The following ARAF variants were observed in gnomAD, a reference collection of about 807,000 sequenced individuals.
The protein encoded by ARAF is A-Raf proto-oncogene, serine/threonine kinase, also known as serine/threonine-protein kinase A-Raf.
In ARAF, 18 loss-of-function variants were observed where a neutral mutation model predicts 48.0. That is an observed-to-expected ratio of 0.37 (90% CI 0.26 to 0.56). The LOEUF is 0.56. ARAF is among the 20% of genes least tolerant of loss of function. The pLI, the probability that ARAF is intolerant of heterozygous loss-of-function variation, is 0.77. For synonymous variants in ARAF, 207 were observed against 220.1 expected, an observed-to-expected ratio of 0.94 and a Z score of 0.53; for missense variants, 389 against 543.1, an observed-to-expected ratio of 0.72 and a Z score of 2.82.
chrX:47,570,797 C>A, intron 14 of ARAF, 81 bp from the exon 15 acceptor site: 1 of 1,031,400 alleles, frequency 9.7e-7, no homozygotes, highest in Non-Finnish European at 1.3e-6. Context: ...ATGAACCTTC[C>A]AAGTCCCTCA....
At chrX:47,569,116 C>A in intron 12 of ARAF, 83 bp downstream of exon 12, 1 of 1,089,258 alleles carries the variant, frequency 9.2e-7, no homozygotes, top group Non-Finnish European at 1.2e-6. Flanking sequence ...CTGGGAATTA[C>A]AAGGGAGGGG....
At chrX:47,568,046 A>G (rs937786131) in intron 10 of ARAF, among the ~76,000 whole-genome samples, 5 of 111,053 alleles carry the variant, frequency 4.5e-5, no homozygotes, top group African/African-American at 1.6e-4. Flanking sequence ...AACCCTGGGG[A>G]TGTTGGCATT....
intron 14 of ARAF, 140 bp from the exon 15 acceptor site, chrX:47,570,738 C>T (rs2057752157): frequency 3.5e-6 from 2 of 575,813 alleles, no homozygotes; most frequent in African/African-American, 2.3e-5. Flanking sequence ...TCCTCAAGGA[C>T]AGAGAATCCT....
At chrX:47,571,295 A>T (rs2855133) in intron 15 of ARAF, 28 bp from the exon 16 acceptor site, 1 of 1,192,723 alleles carries the variant, frequency 8.4e-7, no homozygotes, top group Non-Finnish European at 1.1e-6. Context: ...GGCTCTGGAC[A>T]CCCCTCCTCA....
At chrX:47,564,090 G>A (rs1343617648) in intron 3 of ARAF, among the ~76,000 whole-genome samples, 1 of 112,257 alleles carries the variant, frequency 8.9e-6, no homozygotes, top group Non-Finnish European at 1.9e-5. Flanking sequence ...TTTCCCACCC[G>A]GTTGACCACA....
At position 47,565,006 on chromosome X, in the gene ARAF, C is replaced by T; in HGVS notation, c.325C>T (p.Leu109=). 8.3e-7 allele frequency: 1 copy of T among 1,211,964 alleles called. No homozygotes were observed. Among genetic ancestry groups the T allele is most frequent in the Non-Finnish European group, 1.1e-6 (1 of 895,565 alleles). ...TCAGGTACGGAAGACCTTCTTCAGC[C>T]TGGCGTTCTGTGACTTCTGCCTTAA... ...HNFVRKTFFS[L]AFCDFCLKFL... The change falls in exon 5 of 16, where the codon CTG becomes TTG. Residue 109 remains leucine (L), a synonymous_variant. Coordinates refer to ENST00000377045, the MANE Select transcript of ARAF (RefSeq NM_001654.5).
At chrX:47,562,099 A>T (rs1209066075) in intron 1 of ARAF, among the ~76,000 whole-genome samples, 1 of 108,374 alleles carries the variant, frequency 9.2e-6, no homozygotes, top group Non-Finnish European at 1.9e-5. Context: ...CCCTTTAAGG[A>T]CATGTTTGGT....
Position 47,564,968 on chromosome X carries a change from C to T in ARAF, c.304-17C>T, listed in dbSNP as rs774684341. The T allele has an allele frequency of 1.7e-6, 2 of 1,212,048 alleles. No homozygotes were observed. Among genetic ancestry groups the T allele is most frequent in the Non-Finnish European group, 2.2e-6 (2 of 895,511 alleles). The stretch of plus-strand genomic sequence containing the variant: ...GTCCTTGACCAGGTCTCAAACTTCC[C>T]TGCTCTGTGGCATCAGGTACGGAAG... On this transcript the variant is annotated splice_polypyrimidine_tract_variant and intron_variant, in intron 4 of 15. Coordinates refer to ENST00000377045, the MANE Select transcript of ARAF (RefSeq NM_001654.5).
In ARAF at chrX:47,571,289, C is replaced by T. The variant is rs191688019; in HGVS notation, c.1687-34C>T. On this transcript the variant is annotated intron_variant, in intron 15 of 15. Transcript: ENST00000377045. ...GGGCTGTTGGGATGCCCACAGGGCT[C>T]TGGACACCCCTCCTCACCCCCACCT... 8.6e-4 allele frequency: 1,028 copies of T among 1,190,340 alleles called. 3 individuals are homozygous for T. The highest frequency in any genetic ancestry group is 8.3e-4 in the Non-Finnish European group (738 of 884,938).
At chrX:47,563,462 T>C in intron 3 of ARAF, 133 bp downstream of exon 3, 2 of 525,475 alleles carry the variant, frequency 3.8e-6, no homozygotes, top group South Asian at 6.0e-5. Flanking sequence ...CCCCCTTATC[T>C]GCAGGGTACA....
At position 47,570,870 on chromosome X, in the gene ARAF, GC is replaced by G; in HGVS notation, c.1552-3del. On this transcript the variant is annotated splice_polypyrimidine_tract_variant and splice_region_variant and intron_variant, in intron 14 of 15. Coordinates refer to ENST00000377045, the MANE Select transcript of ARAF (RefSeq NM_001654.5). ...GATCACCCCTTTCCTGCCCCCGTCT[GC>G]CCCCAGATTATCTTTATGGTGGGCC... The G allele has an allele frequency of 8.3e-7, 1 of 1,204,102 alleles. No homozygotes were observed. Among genetic ancestry groups the G allele is most frequent in the Non-Finnish European group, 1.1e-6 (1 of 890,919 alleles).
At position 47,567,025 on chromosome X, in the gene ARAF, G is replaced by A. The variant is rs919593802; in HGVS notation, c.767G>A (p.Gly256Glu). 6 of 1,210,107 alleles carry A rather than the reference G, an allele frequency of 5.0e-6. No homozygotes were observed. The highest frequency in any genetic ancestry group is 6.7e-6 in the Non-Finnish European group (6 of 895,229). ...GGAGGTAGTGATGGAACCCCCCGGG[G>A]GAGCCCCAGCCCAGCCAGCGTGTCC... ...SRGGSDGTPRGSPSPASVSSG... is the reference protein window; with the variant it reads ...SRGGSDGTPRESPSPASVSSG... Residue 256 changes from glycine to glutamate, a missense_variant, in exon 9 of 16, where the codon GGG (glycine) becomes GAG (glutamate). Gly to Glu is a moderately conservative substitution (Grantham distance 98). Coordinates refer to ENST00000377045, the MANE Select transcript of ARAF (RefSeq NM_001654.5).
rs2147905600 is a variant in ARAF at position 47,566,718 on chromosome X, A to C, written c.637A>C (p.Thr213Pro). The C allele has an allele frequency of 8.3e-7, 1 of 1,207,413 alleles. No individual in the cohort carries two copies. Among genetic ancestry groups the C allele is most frequent in the Non-Finnish European group, 1.1e-6 (1 of 893,507 alleles). ...TGCCCCCCTACAGCGCATCCGCTCCACGTCCACTCCCAACGTCCATATGGT... is the reference window on the plus strand; with the variant it reads ...TGCCCCCCTACAGCGCATCCGCTCCCCGTCCACTCCCAACGTCCATATGGT... ...ANAPLQRIRS[T>P]STPNVHMVST... The change falls in exon 7 of 16, where the codon ACG (threonine) becomes CCG (proline). Residue 213 changes from threonine to proline, a missense_variant. Around this residue, in one of 4 missense-constraint regions of ARAF, gnomAD observed 154 missense variants for 133.6 expected, o/e 1.15. Transcript: ENST00000377045.
At chrX:47,564,089 C>T (rs992759926) in intron 3 of ARAF, among the ~76,000 whole-genome samples, 3 of 112,329 alleles carry the variant, frequency 2.7e-5, no homozygotes, top group Non-Finnish European at 3.8e-5. Context: ...CTTTCCCACC[C>T]GGTTGACCAC....
intron 1 of ARAF, among the ~76,000 whole-genome samples, chrX:47,561,981 C>T (rs982947757): frequency 9.4e-5 from 8 of 84,691 alleles, no homozygotes; most frequent in Admixed American, 2.6e-4. Flanking sequence ...CCCCCCCCCC[C>T]ATGAATTCCT....
chrX:47,569,996 CT>C lies in ARAF; in HGVS notation c.1525del (p.Tyr509ThrfsTer?). ...TACGAGCTTATGACTGGCTCACTGC[CT>C]TACAGCCACATTGGCTGCCGTGACC... ...VLYELMTGSLPYSHIGCRDQI... is the reference protein window; with the variant it reads ...VLYELMTGSLXYSHIGCRDQI... On this transcript the variant is annotated frameshift_variant, in exon 14 of 16. Transcript: ENST00000377045. LOFTEE classifies it high-confidence loss of function. The C allele has an allele frequency of 8.3e-7, 1 of 1,206,235 alleles. No individual in the cohort carries two copies. Among genetic ancestry groups the C allele is most frequent in the Non-Finnish European group, 1.1e-6 (1 of 893,230 alleles).
rs182791384 is a variant in ARAF at position 47,569,736 on chromosome X, G to A, written c.1419+79G>A. 5.6e-3 allele frequency: 6,166 copies of A among 1,097,886 alleles called. 29 individuals are homozygous for A. The highest frequency in any genetic ancestry group is 6.6e-3 in the Non-Finnish European group (5,319 of 806,276). The allele number at this position is 1,097,886 out of a possible 1,213,427, so 90.5% of individuals were successfully genotyped here. A position where few individuals can be genotyped will look rare whatever the true frequency, so the allele number is the denominator to read the frequency against. On this transcript the variant is annotated intron_variant, in intron 13 of 15. Coordinates refer to ENST00000377045, the MANE Select transcript of ARAF (RefSeq NM_001654.5). ...GGGGTGTGTGGGGCCAAGTGGGGAC[G>A]GGGATGCCTGTGCCAGATGTGGGTG...
intron 15 of ARAF, among the ~76,000 whole-genome samples, 153 bp downstream of exon 15, chrX:47,571,165 TGGG>T (rs1460425484): frequency 7.9e-5 from 8 of 101,034 alleles, no homozygotes; most frequent in African/African-American, 3.0e-4. Flanking sequence ...CTGGGACTGT[TGGG>T]GGTGTGTGTG....
In ARAF at chrX:47,569,514, C is replaced by T. The variant is rs776577117; in HGVS notation, c.1301-25C>T. 1.0e-5 allele frequency: 12 copies of T among 1,167,987 alleles called. No homozygotes were observed. The South Asian group carries it at 1.6e-4, about 16-fold the overall frequency. The stretch of plus-strand genomic sequence containing the variant: ...TGAGAGGCATGGCTATTAGGAGTCC[C>T]TGTAGTGGTCCTTGACCCTGGCGGA... On this transcript the variant is annotated intron_variant, in intron 12 of 15. Coordinates refer to ENST00000377045, the MANE Select transcript of ARAF (RefSeq NM_001654.5).
Sources: allele counts gnomAD v4.1 joint callset (sites outside exome capture counted in the v4.1 genomes callset), GRCh38; gene constraint gnomAD v4.1.1; regional missense constraint gnomAD v4.1.1; transcripts MANE v1.5; gene names NCBI Gene and HGNC (gene_info 2026-07-23, HGNC 2026-07-21).